Variants in SREBF2 observed in about 807,000 individuals in gnomAD.
SREBF2 encodes sterol regulatory element binding transcription factor 2.
SREBF2 carries 55 observed loss-of-function variants against 113.1 expected under a neutral mutation model. The observed-to-expected ratio is 0.49, with a 90% CI of 0.39 to 0.61. The LOEUF (loss-of-function observed/expected upper bound fraction) is 0.61, where lower values mean the gene tolerates loss of function less well. SREBF2 is among the 20% of genes least tolerant of loss of function. The probability of loss-of-function intolerance (pLI) is 0.00; values close to 1 mark genes in which losing one functional copy is unlikely to be tolerated. For missense variants in SREBF2, 1,349 were observed against 1,487.4 expected (o/e 0.91, Z 1.53); for synonymous variants, 593 against 605.7 (o/e 0.98, Z 0.31).
chr22:41,887,534 T>A (rs555624521), intron 11 of SREBF2, among the ~76,000 whole-genome samples: 30 of 152,262 alleles, frequency 2.0e-4, no homozygotes, highest in Non-Finnish European at 3.7e-4. Flanking sequence ...CAATATCATG[T>A]GTAAGAATCA....
intron 1 of SREBF2, among the ~76,000 whole-genome samples, chr22:41,849,592 C>T (rs936629039): frequency 9.2e-5 from 14 of 152,232 alleles, no homozygotes; most frequent in African/African-American, 3.4e-4. Flanking sequence ...GTTAATGTTT[C>T]TTGAATGCGT....
intron 10 of SREBF2, 122 bp downstream of exon 10, chr22:41,881,114 T>C (rs1005070456): frequency 7.5e-7 from 1 of 1,326,812 alleles, no homozygotes; most frequent in Non-Finnish European, 1.0e-6. Flanking sequence ...TCTTTTAGAG[T>C]GGCTAGACCA....
At position 41,867,287 on chromosome 22, in the gene SREBF2, C is replaced by T. The variant is rs1255127928; in HGVS notation, c.538+7C>T. The T allele has an allele frequency of 6.2e-7, 1 of 1,614,026 alleles. No homozygotes were observed. Among genetic ancestry groups the T allele is most frequent in the African/African-American group, 1.3e-5 (1 of 75,028 alleles). ...GCAGCTACTAGCTTTCAAGGTGATT[C>T]AGAAGTTAGAATGGTAGTGGTTGGT... On this transcript the variant is annotated splice_region_variant and intron_variant, in intron 2 of 18. Transcript: ENST00000361204.
intron 1 of SREBF2, among the ~76,000 whole-genome samples, chr22:41,858,991 C>T (rs772288666): frequency 1.5e-4 from 22 of 151,442 alleles, no homozygotes; most frequent in African/African-American, 4.6e-4. Context: ...GGCGTGGTGG[C>T]GGGCGCCTGT....
intron 1 of SREBF2, among the ~76,000 whole-genome samples, chr22:41,843,184 T>C (rs936421663): frequency 2.0e-5 from 3 of 152,238 alleles, no homozygotes; most frequent in Non-Finnish European, 4.4e-5. Context: ...GATAGATACA[T>C]TGAGATGCAT....
chr22:41,852,938 C>T (rs898052297), intron 1 of SREBF2, among the ~76,000 whole-genome samples: 6 of 151,734 alleles, frequency 4.0e-5, no homozygotes, highest in Admixed American at 6.6e-5. Context: ...TTAGTAGAGA[C>T]GGGGTTTCAC....
In SREBF2 at chr22:41,870,872, C is replaced by T; in HGVS notation, c.721-17C>T. The T allele has an allele frequency of 1.2e-6, 2 of 1,614,096 alleles. No individual in the cohort carries two copies. Among genetic ancestry groups the T allele is most frequent in the Admixed American group, 3.3e-5 (2 of 60,008 alleles). On this transcript the variant is annotated splice_polypyrimidine_tract_variant and intron_variant, in intron 3 of 18. Coordinates refer to ENST00000361204, the MANE Select transcript of SREBF2 (RefSeq NM_004599.4). ...ATAATGCTATCATCCTTTTACTTTT[C>T]TTCCTTCTTCATCCAGGTCCTGGTC... is the stretch of plus-strand genomic sequence containing the variant.
At chr22:41,903,349 G>T (rs1324022895) in intron 17 of SREBF2, among the ~76,000 whole-genome samples, 194 bp downstream of exon 17, 3 of 152,222 alleles carry the variant, frequency 2.0e-5, no homozygotes, top group Admixed American at 2.0e-4. Flanking sequence ...GCACACATTG[G>T]TTGAGTGCCT....
Position 41,875,669 on chromosome 22 carries a change from T to A in SREBF2, c.1331T>A (p.Phe444Tyr), listed in dbSNP as rs1280915307. ...PASDSGSQAG[F>Y]SPYSIDSEPG... ...TCTGACTCAGGGTCCCAGGCTGGCTTCTCTCCCTACTCCATTGACTCTGAG... is the reference window on the plus strand; with the variant it reads ...TCTGACTCAGGGTCCCAGGCTGGCTACTCTCCCTACTCCATTGACTCTGAG... The change falls in exon 7 of 19, where the codon TTC (phenylalanine) becomes TAC (tyrosine). Residue 444 changes from phenylalanine to tyrosine, a missense_variant. Coordinates refer to ENST00000361204, the MANE Select transcript of SREBF2 (RefSeq NM_004599.4). 1 of 1,614,212 alleles carries A rather than the reference T, an allele frequency of 6.2e-7. No individual in the cohort carries two copies. The highest frequency in any genetic ancestry group is 1.6e-4 in the Middle Eastern group (1 of 6,062).
At chr22:41,899,871 C>G (rs1379242454) in intron 15 of SREBF2, 1 of 991,424 alleles carries the variant, frequency 1.0e-6, no homozygotes, top group Non-Finnish European at 1.2e-6. Flanking sequence ...GCTATGAGAA[C>G]CCTCCCCCAT....
At chr22:41,880,484 C>T (rs1374067645) in intron 9 of SREBF2, among the ~76,000 whole-genome samples, 6 of 151,750 alleles carry the variant, frequency 4.0e-5, no homozygotes, top group Non-Finnish European at 5.9e-5. Context: ...CAATCTCAAT[C>T]GAGTAAAAAG....
chr22:41,897,163 T>C lies in SREBF2; in HGVS notation c.2605+2T>C. 1 of 1,606,992 alleles carries C rather than the reference T, an allele frequency of 6.2e-7. No individual in the cohort carries two copies. The highest frequency in any genetic ancestry group is 8.5e-7 in the Non-Finnish European group (1 of 1,176,364). On this transcript the variant is annotated splice_donor_variant, in intron 14 of 18. Coordinates refer to ENST00000361204, the MANE Select transcript of SREBF2 (RefSeq NM_004599.4). LOFTEE classifies it high-confidence loss of function. ...GCTCCGTGCTCAAGTCCGCCCTGGG[T>C]AAGCACCTGCGGGTGGCCCACAGTC...
chr22:41,847,414 A>G (rs942131566), intron 1 of SREBF2, among the ~76,000 whole-genome samples: 3 of 152,198 alleles, frequency 2.0e-5, no homozygotes, highest in South Asian at 2.1e-4. Flanking sequence ...AGGGAACAGT[A>G]TGATGCCAGG....
At chr22:41,864,733 T>C (rs1602299299) in intron 1 of SREBF2, among the ~76,000 whole-genome samples, 1 of 150,772 alleles carries the variant, frequency 6.6e-6, no homozygotes, top group Non-Finnish European at 1.5e-5. Flanking sequence ...AACCGAGAGG[T>C]TGCTTTTCAG....
intron 4 of SREBF2, among the ~76,000 whole-genome samples, chr22:41,872,629 G>A (rs1187763725): frequency 1.3e-5 from 2 of 152,108 alleles, no homozygotes; most frequent in African/African-American, 4.8e-5. Flanking sequence ...AGTGGCTCAC[G>A]CCTGTATTCC....
In SREBF2 at chr22:41,877,999, G is replaced by C; in HGVS notation, c.1637G>C (p.Gly546Ala). The C allele has an allele frequency of 6.2e-7, 1 of 1,614,132 alleles. No homozygotes were observed. The highest frequency in any genetic ancestry group is 8.5e-7 in the Non-Finnish European group (1 of 1,180,034). Residue 546 changes from glycine to alanine, a missense_variant, in exon 9 of 19, where the codon GGT becomes GCT. Transcript: ENST00000361204. ...MPTLLLWLVN[G>A]VIVLSVFVKL... ...ACTCTTCTCTTATGGCTGGTAAATG[G>C]TGTGATTGTCCTGAGCGTCTTTGTG...
intron 13 of SREBF2, among the ~76,000 whole-genome samples, chr22:41,896,338 T>C (rs1033178378): frequency 6.6e-6 from 1 of 152,056 alleles, no homozygotes; most frequent in African/African-American, 2.4e-5. Context: ...AAGTCACTTT[T>C]GTTTTTTGTT....
At chr22:41,874,646 G>A (rs757552760) in intron 5 of SREBF2, among the ~76,000 whole-genome samples, 6 of 152,186 alleles carry the variant, frequency 3.9e-5, no homozygotes, top group Non-Finnish European at 8.8e-5. Flanking sequence ...TGTGGCTTAC[G>A]CCTGTAATCC....
chr22:41,900,597 C>T (rs992253774), intron 16 of SREBF2, 99 bp downstream of exon 16: 38 of 1,288,058 alleles, frequency 3.0e-5, no homozygotes, highest in Non-Finnish European at 3.8e-5. Flanking sequence ...TGGGGCCATC[C>T]GAAAGACAGA....
Sources: allele counts gnomAD v4.1 joint callset (sites outside exome capture counted in the v4.1 genomes callset), GRCh38; gene constraint gnomAD v4.1.1; transcripts MANE v1.5; gene names NCBI Gene and HGNC (gene_info 2026-07-23, HGNC 2026-07-21).